FHOD3: variants seen among roughly 807,000 people sequenced by gnomAD.
The protein encoded by FHOD3 is FH1/FH2 domain-containing protein 3.
FHOD3 carries 90 observed loss-of-function variants against 173.0 expected under a neutral mutation model. The ratio of observed to expected loss-of-function variants is 0.52; its 90% CI spans 0.44 to 0.62. FHOD3 has a LOEUF of 0.62. Among genes scored for constraint, FHOD3 ranks in the 20% least tolerant of loss-of-function variants. The probability of loss-of-function intolerance (pLI) is 0.00; values close to 1 mark genes in which losing one functional copy is unlikely to be tolerated. For synonymous variants in FHOD3, 828 were observed against 823.0 expected, an observed-to-expected ratio of 1.01 and a Z score of -0.10; for missense variants, 1,945 against 2,034.7, an observed-to-expected ratio of 0.96 and a Z score of 0.85.
rs35677759 is a variant in FHOD3, at chr18:36,526,428, CT to C, written c.511+13895del. 6.3e-3 allele frequency among the ~76,000 whole-genome samples: 954 copies of C among 150,392 alleles called. 10 individuals are homozygous for C. The highest frequency in any genetic ancestry group is 0.022 in the African/African-American group (901 of 40,974). On this transcript the variant is annotated intron_variant, in intron 5 of 28. Coordinates refer to ENST00000590592, the MANE Select transcript of FHOD3 (RefSeq NM_001281740.3). ...AGATGTTTGCTTTTTCATAATTCAG[CT>C]TTTTTTTTTCTTTTGAGACTGAATC...
chr18:36,698,964 C>T (rs900615166), intron 17 of FHOD3, among the ~76,000 whole-genome samples: 1 of 152,114 alleles, frequency 6.6e-6, no homozygotes, highest in Non-Finnish European at 1.5e-5. Context: ...ACATGCCTTC[C>T]GTTTGTCCCA....
At chr18:36,726,038 A>G (rs938321338) in intron 19 of FHOD3, among the ~76,000 whole-genome samples, 3 of 151,742 alleles carry the variant, frequency 2.0e-5, no homozygotes, top group East Asian at 3.9e-4. Context: ...TTTTTTTCTA[A>G]CTCCAAAAAC....
At chr18:36,458,666 GTTTTTTTTTTTT>G (rs35141522) in intron 3 of FHOD3, among the ~76,000 whole-genome samples, 33 of 104,726 alleles carry the variant, frequency 3.2e-4, no homozygotes, top group Middle Eastern at 5.6e-3. Context: ...TTTTTGTTAG[GTTTTTTTTTTTT>G]TTTTTTTTTT....
chr18:36,337,607 G>T (rs2045387544), intron 1 of FHOD3, among the ~76,000 whole-genome samples: 1 of 152,176 alleles, frequency 6.6e-6, no homozygotes, highest in African/African-American at 2.4e-5. Flanking sequence ...GTGGTCCTCT[G>T]CTCATGAGCA....
intron 1 of FHOD3, among the ~76,000 whole-genome samples, chr18:36,336,563 G>T (rs1451382713): frequency 6.6e-6 from 1 of 152,032 alleles, no homozygotes; most frequent in South Asian, 2.1e-4. Context: ...TTGGCTGAAC[G>T]CAGTGGCTCA....
intron 6 of FHOD3, among the ~76,000 whole-genome samples, chr18:36,582,036 G>A (rs997785378): frequency 6.6e-6 from 1 of 152,200 alleles, no homozygotes; most frequent in African/African-American, 2.4e-5. Context: ...TCAAAGGTTG[G>A]GGGTCACAGT....
intron 3 of FHOD3, among the ~76,000 whole-genome samples, chr18:36,465,025 C>T (rs1252140840): frequency 6.6e-6 from 1 of 152,108 alleles, no homozygotes; most frequent in Non-Finnish European, 1.5e-5. Flanking sequence ...GTATGACAAT[C>T]TTAGGCAAAA....
At chr18:36,310,635 C>T (rs1372241603) in intron 1 of FHOD3, among the ~76,000 whole-genome samples, 4 of 148,276 alleles carry the variant, frequency 2.7e-5, no homozygotes, top group Non-Finnish European at 3.0e-5. Flanking sequence ...TGCAGTGAAC[C>T]GAGATCGTGC....
At position 36,298,025 on chromosome 18, in the gene FHOD3, GC is replaced by G. The variant is rs773496239; in HGVS notation, c.165+30del. The G allele has an allele frequency of 5.3e-6, 8 of 1,498,614 alleles. No homozygotes were observed. In the South Asian group the frequency reaches 9.1e-5, roughly 17 times the overall value. 92.8% of individuals were successfully genotyped at this position (1,498,614 alleles called of 1,614,324 possible). A position where few individuals can be genotyped will look rare whatever the true frequency, so the allele number is the denominator to read the frequency against. ...GGTACGACCCGGCGGGGTGGGCTGG[GC>G]CCCCTGGACTCAGCCCCCTGCCGCG... is the stretch of plus-strand genomic sequence containing the variant. On this transcript the variant is annotated intron_variant, in intron 1 of 28. Transcript: ENST00000590592.
chr18:36,661,555 G>T (rs1417002727), intron 14 of FHOD3, among the ~76,000 whole-genome samples: 1 of 152,208 alleles, frequency 6.6e-6, no homozygotes, highest in East Asian at 1.9e-4. Flanking sequence ...TCATTCCCTT[G>T]ATTTGGAAAC....
intron 9 of FHOD3, among the ~76,000 whole-genome samples, chr18:36,621,512 G>A (rs184065932): frequency 2.6e-5 from 4 of 152,244 alleles, no homozygotes; most frequent in Non-Finnish European, 5.9e-5. Context: ...TATCTACTTG[G>A]CCTGGCATTT....
At chr18:36,715,434 CT>C (rs2149736371) in intron 18 of FHOD3, among the ~76,000 whole-genome samples, 1 of 152,290 alleles carries the variant, frequency 6.6e-6, no homozygotes, top group Non-Finnish European at 1.5e-5. Context: ...AATTAAACCT[CT>C]TTCCTTTATA....
At chr18:36,319,914 A>G (rs2044307880) in intron 1 of FHOD3, among the ~76,000 whole-genome samples, 1 of 152,246 alleles carries the variant, frequency 6.6e-6, no homozygotes, top group Non-Finnish European at 1.5e-5. Flanking sequence ...TGAAGGCAGA[A>G]ATAAAGGTGT....
At chr18:36,441,573 C>T (rs918724831) in intron 3 of FHOD3, among the ~76,000 whole-genome samples, 4 of 152,104 alleles carry the variant, frequency 2.6e-5, no homozygotes, top group African/African-American at 7.2e-5. Context: ...GGGCAGAGTC[C>T]CTGCTGGCAG....
chr18:36,755,363 C>A, intron 25 of FHOD3, 52 bp downstream of exon 25: 4 of 985,078 alleles, frequency 4.1e-6, no homozygotes, highest in Non-Finnish European at 5.5e-6. Flanking sequence ...AAAGTAAGAT[C>A]AGTCAGGAAT....
chr18:36,360,912 G>A (rs1379853253), intron 2 of FHOD3, among the ~76,000 whole-genome samples: 1 of 152,092 alleles, frequency 6.6e-6, no homozygotes, highest in Admixed American at 6.5e-5. Flanking sequence ...TTAGACTGGT[G>A]GAATGGGAAA....
At chr18:36,679,495 A>G (rs1291698996) in intron 14 of FHOD3, among the ~76,000 whole-genome samples, 1 of 151,674 alleles carries the variant, frequency 6.6e-6, no homozygotes. Context: ...ATTAATTTTT[A>G]CTCTTTCTTT....
At chr18:36,681,368 C>T in intron 14 of FHOD3, 68 bp from the exon 15 acceptor site, 1 of 1,587,924 alleles carries the variant, frequency 6.3e-7, no homozygotes, top group Non-Finnish European at 8.6e-7. Context: ...CAAGGTCTGA[C>T]TGGTGCTTAC....
chr18:36,704,251 G>T (rs2039746416), intron 17 of FHOD3, among the ~76,000 whole-genome samples: 1 of 152,222 alleles, frequency 6.6e-6, no homozygotes, highest in East Asian at 1.9e-4. Context: ...ACATTTTTCT[G>T]GTCTTTGCTA....
Sources: gnomAD v4.1 joint callset for allele counts (sites outside exome capture counted in the v4.1 genomes callset) on GRCh38, gnomAD v4.1.1 for gene constraint, MANE v1.5 for transcripts, NCBI Gene and HGNC (gene_info 2026-07-23, HGNC 2026-07-21) for gene names.